Variants in EBF1 observed in about 807,000 individuals in gnomAD.
The protein encoded by EBF1 is transcription factor COE1.
In EBF1, 10 loss-of-function variants were observed where a neutral mutation model predicts 68.4. The observed-to-expected ratio is 0.15, with a 90% CI of 0.09 to 0.25. The LOEUF (loss-of-function observed/expected upper bound fraction) is 0.25, where lower values mean the gene tolerates loss of function less well. Ranked by LOEUF, EBF1 falls within the 10% of genes least tolerant of loss-of-function variation. The pLI is 1.00. For missense variants in EBF1, 509 were observed against 794.4 expected (o/e 0.64, Z 4.32); for synonymous variants, 298 against 299.8 (o/e 0.99, Z 0.06).
chr5:158,908,882 C>T (rs1322394734), intron 6 of EBF1, among the ~76,000 whole-genome samples: 1 of 152,214 alleles, frequency 6.6e-6, no homozygotes, highest in East Asian at 1.9e-4. Context: ...CTGCTCCACA[C>T]TCTACCTGTC....
intron 6 of EBF1, among the ~76,000 whole-genome samples, chr5:158,924,984 C>G (rs1809342720): frequency 6.6e-6 from 1 of 152,086 alleles, no homozygotes; most frequent in Non-Finnish European, 1.5e-5. Flanking sequence ...GGCCCCACTC[C>G]TGCCTACTCC....
Position 158,728,146 on chromosome 5 carries a change from C to T in EBF1, c.1125+2923G>A, listed in dbSNP as rs143400100. 5.9e-3 allele frequency among the ~76,000 whole-genome samples: 901 copies of T among 152,230 alleles called. 11 individuals carry two copies. Among genetic ancestry groups the T allele is most frequent in the African/African-American group, 0.02 (840 of 41,554 alleles). On this transcript the variant is annotated intron_variant, in intron 11 of 15. Coordinates refer to ENST00000313708, the MANE Select transcript of EBF1 (RefSeq NM_024007.5). ...AGGAATACCTTGTGCTGGCTCCATC[C>T]GCCACTTCCTGACCCTGCCCTTGAA...
At chr5:158,759,305 G>T (rs1770864552) in intron 10 of EBF1, among the ~76,000 whole-genome samples, 1 of 152,188 alleles carries the variant, frequency 6.6e-6, no homozygotes, top group African/African-American at 2.4e-5. Context: ...CACCAGGCAT[G>T]AGCCTCTTGT....
At chr5:158,947,284 G>A (rs970799342) in intron 6 of EBF1, among the ~76,000 whole-genome samples, 7 of 152,182 alleles carry the variant, frequency 4.6e-5, no homozygotes, top group Non-Finnish European at 8.8e-5. Context: ...CCAAAGGGCC[G>A]CCCAGTTTTG....
At chr5:158,745,262 G>T (rs745836867) in intron 10 of EBF1, among the ~76,000 whole-genome samples, 5 of 152,140 alleles carry the variant, frequency 3.3e-5, no homozygotes, top group Non-Finnish European at 5.9e-5. Context: ...CATATTTGTT[G>T]CTATTAGCTC....
At chr5:158,943,471 G>A (rs1346675202) in intron 6 of EBF1, among the ~76,000 whole-genome samples, 4 of 152,124 alleles carry the variant, frequency 2.6e-5, no homozygotes, top group African/African-American at 9.7e-5. Flanking sequence ...ACAGAAAGAA[G>A]TAATTAATTC....
intron 6 of EBF1, among the ~76,000 whole-genome samples, chr5:158,987,620 T>C (rs1047859497): frequency 2.0e-5 from 3 of 152,120 alleles, no homozygotes; most frequent in African/African-American, 7.2e-5. Flanking sequence ...TTGTAGTTAT[T>C]AGACACTCCA....
intron 6 of EBF1, among the ~76,000 whole-genome samples, chr5:159,022,779 C>A (rs894687880): frequency 7.9e-5 from 12 of 151,724 alleles, no homozygotes; most frequent in African/African-American, 2.9e-4. Context: ...AGTCACTCCT[C>A]AACTCAGACA....
chr5:158,713,035 C>T lies in EBF1; in HGVS notation c.1304G>A (p.Gly435Asp). The part of the protein sequence containing the change: ...ANTSVHAGMM[G>D]VNSFSGQLAV... ...CAGTTGTCCACTGAACGAATTCACGCCCATCATCCCTGCGTGGACCGAGGT... is the reference window on the plus strand; with the variant it reads ...CAGTTGTCCACTGAACGAATTCACGTCCATCATCCCTGCGTGGACCGAGGT... Residue 435 changes from glycine to aspartate, a missense_variant, in exon 13 of 16, where the codon GGC becomes GAC. Physicochemically the swap from Gly to Asp is moderately conservative, Grantham distance 94. Transcript: ENST00000313708. 6.3e-7 allele frequency: 1 copy of T among 1,584,670 alleles called. No individual in the cohort carries two copies. Among genetic ancestry groups the T allele is most frequent in the Non-Finnish European group, 8.6e-7 (1 of 1,162,966 alleles).
At chr5:158,709,226 T>C (rs73816041) in intron 14 of EBF1, among the ~76,000 whole-genome samples, 1 of 152,246 alleles carries the variant, frequency 6.6e-6, no homozygotes, top group African/African-American at 2.4e-5. Context: ...TTCACACAAC[T>C]TAATAAAACA....
intron 6 of EBF1, among the ~76,000 whole-genome samples, chr5:158,896,548 AG>A (rs1189073594): frequency 6.6e-6 from 1 of 152,236 alleles, no homozygotes; most frequent in Non-Finnish European, 1.5e-5. Context: ...AAAAAATCAA[AG>A]CTTAAGTAAC....
chr5:158,882,257 T>C (rs1375100288), intron 6 of EBF1, among the ~76,000 whole-genome samples: 1 of 152,208 alleles, frequency 6.6e-6, no homozygotes, highest in Non-Finnish European at 1.5e-5. Context: ...CATTAATCTA[T>C]CTATTTACAC....
In EBF1 at chr5:158,921,851, G is replaced by T. The variant is rs184330705; in HGVS notation, c.555-81741C>A. On this transcript the variant is annotated intron_variant, in intron 6 of 15. Coordinates refer to ENST00000313708, the MANE Select transcript of EBF1 (RefSeq NM_024007.5). ...CCAGAACCTGGGGAAAGATTCCCTG[G>T]CACAAACATATTGCAAAGCACGAAG... Among the ~76,000 whole-genome samples the T allele has an allele frequency of 8.5e-5, 13 of 152,284 alleles. No homozygotes were observed. In the East Asian group the frequency reaches 2.5e-3, roughly 29 times the overall value.
intron 6 of EBF1, among the ~76,000 whole-genome samples, chr5:158,872,286 T>G (rs1252046596): frequency 6.6e-6 from 1 of 151,958 alleles, no homozygotes; most frequent in African/African-American, 2.4e-5. Flanking sequence ...AACCTCTGCC[T>G]CCTGGGTTCC....
intron 6 of EBF1, among the ~76,000 whole-genome samples, chr5:158,942,382 A>G (rs1204016267): frequency 2.0e-5 from 3 of 152,230 alleles, no homozygotes; most frequent in Admixed American, 1.3e-4. Context: ...AACCTTGGGC[A>G]AGTTACTTCA....
chr5:158,883,374 ATGTATATATATACATACATACATGTG>A (rs1562210816), intron 6 of EBF1, among the ~76,000 whole-genome samples: 2 of 150,948 alleles, frequency 1.3e-5, no homozygotes, highest in South Asian at 4.2e-4. Flanking sequence ...ACATACATAC[ATGTATATATATACATACATACATGTG>A]TGTATATATA....
rs956049730 is a variant in EBF1, at chr5:158,698,052, G to T, written c.*1059C>A. On this transcript the variant is annotated 3_prime_UTR_variant, in exon 16 of 16. Coordinates refer to ENST00000313708, the MANE Select transcript of EBF1 (RefSeq NM_024007.5). ...AAATGGTAAGGGTCGACTGATAGAG[G>T]CAGTATCTGGAATGGGAAAATCGAA... 4.6e-6 allele frequency: 1 copy of T among 216,214 alleles called. No individual in the cohort carries two copies. Among genetic ancestry groups the T allele is most frequent in the East Asian group, 6.8e-5 (1 of 14,724 alleles). 13.4% of individuals were successfully genotyped at this position (216,214 alleles called of 1,614,324 possible).
chr5:159,086,965 C>T (rs546979873), intron 4 of EBF1, among the ~76,000 whole-genome samples: 1 of 151,974 alleles, frequency 6.6e-6, no homozygotes, highest in Non-Finnish European at 1.5e-5. Context: ...ATTACATCTG[C>T]CTGCTTTATT....
At chr5:158,795,025 A>G (rs1779360355) in intron 9 of EBF1, among the ~76,000 whole-genome samples, 1 of 152,186 alleles carries the variant, frequency 6.6e-6, no homozygotes, top group Non-Finnish European at 1.5e-5. Context: ...TGCTGAGTAG[A>G]AAATACCAAG....
Sources: allele counts gnomAD v4.1 joint callset (sites outside exome capture counted in the v4.1 genomes callset), GRCh38; gene constraint gnomAD v4.1.1; transcripts MANE v1.5; gene names NCBI Gene and HGNC (gene_info 2026-07-23, HGNC 2026-07-21).